EGF: variants seen among roughly 807,000 people sequenced by gnomAD.
The protein encoded by EGF is epidermal growth factor, also known as pro-epidermal growth factor.
In EGF, 95 loss-of-function variants were observed where a neutral mutation model predicts 143.8. The observed-to-expected ratio is 0.66, with a 90% CI of 0.56 to 0.78. The LOEUF (loss-of-function observed/expected upper bound fraction) is 0.78. Ranked by LOEUF, EGF falls within the 30% of genes least tolerant of loss-of-function variation. The probability of loss-of-function intolerance (pLI) is 0.00; values close to 1 mark genes in which losing one functional copy is unlikely to be tolerated. For synonymous variants in EGF, 510 were observed against 510.5 expected (o/e 1.00, Z 0.01); for missense variants, 1,320 against 1,470.9 (o/e 0.90, Z 1.68).
chr4:109,922,201 T>C (rs912210372), intron 1 of EGF, among the ~76,000 whole-genome samples: 8 of 151,718 alleles, frequency 5.3e-5, no homozygotes, highest in Non-Finnish European at 1.2e-4. Context: ...TCTAAGTGGA[T>C]CAAAAGGCTT....
At chr4:109,986,421 G>A (rs1165850108) in intron 16 of EGF, among the ~76,000 whole-genome samples, 1 of 152,156 alleles carries the variant, frequency 6.6e-6, no homozygotes, top group Non-Finnish European at 1.5e-5. Context: ...AGAGTCATGA[G>A]TGACAGGAGA....
intron 23 of EGF, among the ~76,000 whole-genome samples, chr4:110,009,631 T>G: frequency 6.6e-6 from 1 of 152,140 alleles, no homozygotes; most frequent in Non-Finnish European, 1.5e-5. Context: ...GGGCCACTCA[T>G]ATAACTATCT....
At chr4:109,944,244 C>A (rs1394915332) in intron 4 of EGF, among the ~76,000 whole-genome samples, 175 bp downstream of exon 4, 1 of 152,188 alleles carries the variant, frequency 6.6e-6, no homozygotes, top group African/African-American at 2.4e-5. Context: ...TCGAGACCAT[C>A]CTGGCTAACA....
In EGF at chr4:109,945,247, C is replaced by T; in HGVS notation, c.912C>T (p.Pro304=). 6.2e-7 allele frequency: 1 copy of T among 1,613,988 alleles called. No individual in the cohort carries two copies. Among genetic ancestry groups the T allele is most frequent in the Non-Finnish European group, 8.5e-7 (1 of 1,179,992 alleles). ...AAGTAGTGCATCCACTTGCACAACC[C>T]AAGGCAGAAGATGACACTTGGGAGC... ...ELKVVHPLAQ[P]KAEDDTWEPE... The change falls in exon 5 of 24, where the codon CCC becomes CCT. Residue 304 remains proline (P), a synonymous_variant. Coordinates refer to ENST00000265171, the MANE Select transcript of EGF (RefSeq NM_001963.6).
At chr4:109,940,886 T>G in intron 1 of EGF, 60 bp from the exon 2 acceptor site, 1 of 1,518,712 alleles carries the variant, frequency 6.6e-7, no homozygotes, top group Non-Finnish European at 9.1e-7. Flanking sequence ...TGGGAAGTAT[T>G]TTGTTTAAAT....
intron 22 of EGF, among the ~76,000 whole-genome samples, chr4:110,004,869 A>T (rs1046473677): frequency 1.3e-5 from 2 of 151,624 alleles, no homozygotes; most frequent in African/African-American, 4.8e-5. Context: ...AATTTTTGGA[A>T]TTTTTTTCTT....
intron 19 of EGF, among the ~76,000 whole-genome samples, chr4:109,993,607 A>C (rs1365807848): frequency 6.6e-6 from 1 of 152,208 alleles, no homozygotes; most frequent in African/African-American, 2.4e-5. Context: ...AAAGATGGGA[A>C]CATGGGTATC....
rs191443807 is a variant in EGF, at chr4:109,978,019, T to A, written c.2053+1784T>A. On this transcript the variant is annotated intron_variant, in intron 13 of 23. Coordinates refer to ENST00000265171, the MANE Select transcript of EGF (RefSeq NM_001963.6). ...TATTGCTACTATATTGTATGACTAA[T>A]ACAACTATTGAAGGCCATTATCAAA... Among the ~76,000 whole-genome samples the A allele has an allele frequency of 3.9e-5, 6 of 152,340 alleles. No individual in the cohort carries two copies. The South Asian group carries it at 8.3e-4, about 21-fold the overall frequency.
chr4:109,975,061 C>A (rs1748271519), intron 12 of EGF, among the ~76,000 whole-genome samples: 2 of 152,174 alleles, frequency 1.3e-5, no homozygotes, highest in Non-Finnish European at 2.9e-5. Flanking sequence ...CAACTAGACT[C>A]AAGCTCATTC....
chr4:109,917,303 T>A (rs940813414), intron 1 of EGF, among the ~76,000 whole-genome samples: 2 of 152,232 alleles, frequency 1.3e-5, no homozygotes, highest in Non-Finnish European at 2.9e-5. Flanking sequence ...GACATTCAAT[T>A]TAGAAGTTGC....
At chr4:109,919,306 TC>T (rs1420486624) in intron 1 of EGF, among the ~76,000 whole-genome samples, 24 of 142,016 alleles carry the variant, frequency 1.7e-4, no homozygotes, top group African/African-American at 6.4e-4. Context: ...TCTCTCTCTC[TC>T]TCTCTCTCTC....
chr4:109,997,001 A>AT (rs200352311), intron 20 of EGF, among the ~76,000 whole-genome samples: 4,795 of 147,852 alleles, frequency 0.032, 126 homozygotes, highest in South Asian at 0.093. Context: ...TCTACCCTCA[A>AT]TTTTTTTTTT....
intron 18 of EGF, among the ~76,000 whole-genome samples, chr4:109,991,885 G>A (rs1440507254): frequency 6.6e-6 from 1 of 152,064 alleles, no homozygotes; most frequent in Non-Finnish European, 1.5e-5. Context: ...GGGTGTGGTG[G>A]CTCATGCCTG....
At chr4:109,932,621 G>A (rs28629923) in intron 1 of EGF, among the ~76,000 whole-genome samples, 49,642 of 150,708 alleles carry the variant, frequency 0.33, 8,297 homozygotes, top group Middle Eastern at 0.4. Flanking sequence ...CTCATGATCC[G>A]CCTGCCTGCC....
chr4:109,994,889 A>C lies in EGF; in HGVS notation c.3005+9A>C. 1 of 1,614,116 alleles carries C rather than the reference A, an allele frequency of 6.2e-7. No individual in the cohort carries two copies. Among genetic ancestry groups the C allele is most frequent in the Non-Finnish European group, 8.5e-7 (1 of 1,179,958 alleles). ...GACAAGTATGCATGCAAGTAAGTTA[A>C]ACTGTCTTGCTGATGGCACAGAGAG... On this transcript the variant is annotated intron_variant, in intron 20 of 23. Coordinates refer to ENST00000265171, the MANE Select transcript of EGF (RefSeq NM_001963.6).
rs915131418 is a variant in EGF at position 110,013,367 on chromosome 4, A to G, written c.*1912A>G. Among the ~76,000 whole-genome samples the G allele has an allele frequency of 6.6e-6, 1 of 152,082 alleles. No individual in the cohort carries two copies. The highest frequency in any genetic ancestry group is 1.5e-5 in the Non-Finnish European group (1 of 68,002). ...ATACCATTATCTTTGTACCAGAAAA[A>G]TCCTTGTTTCCTTCTTAATGACTCT... On this transcript the variant is annotated 3_prime_UTR_variant, in exon 24 of 24. Coordinates refer to ENST00000265171, the MANE Select transcript of EGF (RefSeq NM_001963.6).
intron 10 of EGF, among the ~76,000 whole-genome samples, chr4:109,967,349 G>A (rs1746765866): frequency 6.6e-6 from 1 of 152,106 alleles, no homozygotes; most frequent in Non-Finnish European, 1.5e-5. Flanking sequence ...TCAGTTGGTT[G>A]TAGGCATATG....
At chr4:109,966,112 G>T (rs1257821459) in intron 10 of EGF, among the ~76,000 whole-genome samples, 1 of 151,882 alleles carries the variant, frequency 6.6e-6, no homozygotes, top group Non-Finnish European at 1.5e-5. Flanking sequence ...TGGATAGATT[G>T]TGTAGTGGTG....
In EGF at chr4:109,985,495, G is replaced by A. The variant is rs184401798; in HGVS notation, c.2491+1954G>A. Among the ~76,000 whole-genome samples, 3 of 152,272 alleles carry A rather than the reference G, an allele frequency of 2.0e-5. No individual in the cohort carries two copies. In the East Asian group the frequency reaches 5.8e-4, roughly 29 times the overall value. ...AGGGCTCACCAGCCCTCTTGCCTTC[G>A]GCTTTCTGTGGCCTGCTTCCCTCAT... On this transcript the variant is annotated intron_variant, in intron 16 of 23. Transcript: ENST00000265171.
Sources: allele counts gnomAD v4.1 joint callset (sites outside exome capture counted in the v4.1 genomes callset), GRCh38; gene constraint gnomAD v4.1.1; transcripts MANE v1.5; gene names NCBI Gene and HGNC (gene_info 2026-07-23, HGNC 2026-07-21).